Variants in CPQ observed in about 807,000 individuals in gnomAD.
CPQ encodes the protein Ser-Met dipeptidase.
CPQ carries 37 observed loss-of-function variants against 45.7 expected under a neutral mutation model. The observed-to-expected ratio is 0.81, with a 90% CI of 0.62 to 1.07. The LOEUF (loss-of-function observed/expected upper bound fraction) is 1.07. CPQ is among the 50% of genes least tolerant of loss of function. The pLI is 0.00. For synonymous variants in CPQ, 186 were observed against 205.8 expected (o/e 0.90, Z 0.82); for missense variants, 537 against 572.9 (o/e 0.94, Z 0.64).
chr8:96,813,436 G>A (rs1480391224), intron 2 of CPQ, among the ~76,000 whole-genome samples: 1 of 152,194 alleles, frequency 6.6e-6, no homozygotes, highest in Middle Eastern at 3.4e-3. Flanking sequence ...GACTGTGATG[G>A]TTCAGGGATA....
At chr8:96,959,207 A>T (rs1410577980) in intron 4 of CPQ, among the ~76,000 whole-genome samples, 1 of 152,170 alleles carries the variant, frequency 6.6e-6, no homozygotes, top group East Asian at 1.9e-4. Context: ...TTTAGATTTT[A>T]AATTTTAGGA....
intron 1 of CPQ, among the ~76,000 whole-genome samples, chr8:96,661,097 A>G (rs1436286252): frequency 6.6e-6 from 1 of 152,248 alleles, no homozygotes; most frequent in African/African-American, 2.4e-5. Context: ...AAAATGAACT[A>G]GTTAAGAAAT....
At chr8:97,061,916 T>C (rs1050216741) in intron 6 of CPQ, among the ~76,000 whole-genome samples, 25 of 152,142 alleles carry the variant, frequency 1.6e-4, no homozygotes, top group African/African-American at 6.0e-4. Flanking sequence ...GATTGGTTGA[T>C]GTGAGGGTCA....
intron 7 of CPQ, among the ~76,000 whole-genome samples, chr8:97,091,102 G>A (rs1278466631): frequency 6.6e-6 from 1 of 152,190 alleles, no homozygotes; most frequent in African/African-American, 2.4e-5. Flanking sequence ...GTAGAGGAGA[G>A]TTTGGTAAGA....
intron 5 of CPQ, among the ~76,000 whole-genome samples, chr8:96,981,422 G>A (rs954970111): frequency 6.6e-6 from 1 of 152,122 alleles, no homozygotes; most frequent in Non-Finnish European, 1.5e-5. Flanking sequence ...AATCACCATA[G>A]ACCCTAGATC....
At chr8:97,064,888 T>A (rs1037942967) in intron 6 of CPQ, among the ~76,000 whole-genome samples, 1 of 152,276 alleles carries the variant, frequency 6.6e-6, no homozygotes, top group East Asian at 1.9e-4. Context: ...AGCGCTACCA[T>A]TTGCCAGCTG....
chr8:97,090,635 C>T (rs1353152058), intron 7 of CPQ, among the ~76,000 whole-genome samples: 1 of 152,096 alleles, frequency 6.6e-6, no homozygotes, highest in East Asian at 1.9e-4. Flanking sequence ...CCATATTTGA[C>T]TCACCGAAAA....
intron 5 of CPQ, among the ~76,000 whole-genome samples, chr8:96,996,474 A>G (rs980159737): frequency 1.3e-5 from 2 of 152,008 alleles, no homozygotes; most frequent in Non-Finnish European, 2.9e-5. Flanking sequence ...CTTAATAAGT[A>G]CCAAGGTTCA....
intron 6 of CPQ, among the ~76,000 whole-genome samples, chr8:97,030,360 T>G (rs1376563126): frequency 6.6e-6 from 1 of 151,900 alleles, no homozygotes; most frequent in Non-Finnish European, 1.5e-5. Context: ...GTGTGTATGT[T>G]ATTTTTGACC....
intron 5 of CPQ, among the ~76,000 whole-genome samples, chr8:96,997,586 A>T (rs898834757): frequency 4.6e-5 from 7 of 152,028 alleles, no homozygotes; most frequent in African/African-American, 1.4e-4. Context: ...ATAAAAAAAA[A>T]TTTCAGGAGA....
chr8:96,881,142 AATTTGC>A (rs1812218310), intron 4 of CPQ, among the ~76,000 whole-genome samples: 1 of 152,194 alleles, frequency 6.6e-6, no homozygotes, highest in African/African-American at 2.4e-5. Flanking sequence ...AAGCTTAGTG[AATTTGC>A]ATATATTTTC....
rs192307422 is a variant in CPQ, at chr8:96,906,302, G to A, written c.849+26297G>A. On this transcript the variant is annotated intron_variant, in intron 4 of 7. Transcript: ENST00000220763. Reference sequence around the variant, plus strand: ...GATACTTACCCTTTCCAAAATCAGAGGTCTTAGAAAAGTATTTTAAAAAAT... The same window carrying A: ...GATACTTACCCTTTCCAAAATCAGAAGTCTTAGAAAAGTATTTTAAAAAAT... Among the ~76,000 whole-genome samples, 224 of 152,210 alleles carry A rather than the reference G, an allele frequency of 1.5e-3. 1 individual carries two copies. The highest frequency in any genetic ancestry group is 1.9e-3 in the South Asian group (9 of 4,826).
chr8:96,926,579 T>TTCCTCTTCCTCTTCCTCTTCCTCTTCC (rs1287436748), intron 4 of CPQ, among the ~76,000 whole-genome samples: 3 of 104,114 alleles, frequency 2.9e-5, no homozygotes, highest in African/African-American at 1.0e-4. Context: ...CCTCTTCCTC[T>TTCCTCTTCCTCTTCCTCTTCCTCTTCC]TCTTCTTCTT....
chr8:97,054,348 T>C (rs546735420), intron 6 of CPQ, among the ~76,000 whole-genome samples: 12 of 152,194 alleles, frequency 7.9e-5, no homozygotes, highest in Non-Finnish European at 1.5e-4. Context: ...ATAGCCTCTA[T>C]GGAAAACAGT....
intron 4 of CPQ, among the ~76,000 whole-genome samples, chr8:96,889,171 A>G (rs1216505213): frequency 6.6e-6 from 1 of 152,224 alleles, no homozygotes; most frequent in Non-Finnish European, 1.5e-5. Context: ...GGCACTGTAG[A>G]GTTTTAGCAG....
intron 1 of CPQ, among the ~76,000 whole-genome samples, chr8:96,729,929 C>G (rs773012294): frequency 6.6e-6 from 1 of 152,084 alleles, no homozygotes; most frequent in African/African-American, 2.4e-5. Context: ...AATGTCTCAT[C>G]TTTTGGATTT....
At chr8:96,671,210 G>A (rs1471135087) in intron 1 of CPQ, among the ~76,000 whole-genome samples, 1 of 152,120 alleles carries the variant, frequency 6.6e-6, no homozygotes, top group Non-Finnish European at 1.5e-5. Flanking sequence ...TGATACACTG[G>A]TCTACAAATA....
chr8:96,777,397 G>A (rs887671458), intron 1 of CPQ, among the ~76,000 whole-genome samples: 4 of 151,902 alleles, frequency 2.6e-5, no homozygotes, highest in South Asian at 4.2e-4. Context: ...CCCCTCATAC[G>A]GAAGGATGGG....
At chr8:96,871,713 A>G (rs996188064) in intron 3 of CPQ, among the ~76,000 whole-genome samples, 1 of 151,778 alleles carries the variant, frequency 6.6e-6, no homozygotes, top group Non-Finnish European at 1.5e-5. Context: ...TTCAATCTCT[A>G]TCCTGTGTGT....
Sources: gnomAD v4.1 joint callset for allele counts (sites outside exome capture counted in the v4.1 genomes callset) on GRCh38, gnomAD v4.1.1 for gene constraint, MANE v1.5 for transcripts, NCBI Gene and HGNC (gene_info 2026-07-23, HGNC 2026-07-21) for gene names.